The following DSCAM variants were observed in gnomAD, a reference collection of about 807,000 sequenced individuals.
DSCAM encodes cell adhesion molecule DSCAM.
Under a neutral mutation model 217.7 loss-of-function variants are expected in DSCAM, and 47 were observed. The ratio of observed to expected loss-of-function variants is 0.22; its 90% CI spans 0.17 to 0.28. The LOEUF is 0.28. Among genes scored for constraint, DSCAM ranks in the 10% least tolerant of loss-of-function variants. The pLI is 1.00. For synonymous variants in DSCAM, 1,056 were observed against 1,015.3 expected (o/e 1.04, Z -0.76); for missense variants, 2,080 against 2,618.3 (o/e 0.79, Z 4.49).
intron 3 of DSCAM, among the ~76,000 whole-genome samples, chr21:40,492,169 G>C (rs2076081269): frequency 1.3e-5 from 2 of 152,038 alleles, no homozygotes; most frequent in Non-Finnish European, 2.9e-5. Flanking sequence ...GTGCTTCAGA[G>C]CCTTTGATAA....
At chr21:40,309,885 A>G (rs936318364) in intron 9 of DSCAM, among the ~76,000 whole-genome samples, 2 of 152,208 alleles carry the variant, frequency 1.3e-5, no homozygotes, top group Admixed American at 6.5e-5. Flanking sequence ...TCAGACAGCT[A>G]CTAGTGTGAC....
intron 12 of DSCAM, 53 bp from the exon 13 acceptor site, chr21:40,188,040 G>C (rs2090914119): frequency 7.0e-7 from 1 of 1,419,550 alleles, no homozygotes; most frequent in Non-Finnish European, 9.8e-7. Flanking sequence ...AAATGACTTT[G>C]AGCCGTAAAG....
intron 3 of DSCAM, among the ~76,000 whole-genome samples, chr21:40,447,121 G>C (rs904507878): frequency 6.6e-6 from 1 of 152,158 alleles, no homozygotes; most frequent in African/African-American, 2.4e-5. Flanking sequence ...GTCACTGTAG[G>C]GAACCCACCA....
chr21:40,227,339 C>A (rs1488279405), intron 11 of DSCAM, among the ~76,000 whole-genome samples: 1 of 152,176 alleles, frequency 6.6e-6, no homozygotes, highest in East Asian at 1.9e-4. Context: ...AGCCTCCCAG[C>A]TGCCACCTTC....
chr21:40,275,525 G>A (rs1472154605), intron 11 of DSCAM, among the ~76,000 whole-genome samples: 2 of 152,198 alleles, frequency 1.3e-5, no homozygotes, highest in African/African-American at 4.8e-5. Flanking sequence ...ACCAATGTAT[G>A]AGAATAATTT....
intron 20 of DSCAM, among the ~76,000 whole-genome samples, chr21:40,113,914 G>A (rs2089933136): frequency 1.3e-5 from 2 of 151,794 alleles, no homozygotes; most frequent in Admixed American, 6.6e-5. Flanking sequence ...AATAAAAGAG[G>A]ATACAAACAA....
At chr21:40,415,620 T>G (rs558255599) in intron 3 of DSCAM, among the ~76,000 whole-genome samples, 1 of 152,196 alleles carries the variant, frequency 6.6e-6, no homozygotes, top group East Asian at 1.9e-4. Context: ...GACAGGGAAG[T>G]TGCCCTGGCC....
At chr21:40,720,013 G>A (rs1240278245) in intron 1 of DSCAM, among the ~76,000 whole-genome samples, 1 of 152,192 alleles carries the variant, frequency 6.6e-6, no homozygotes, top group Admixed American at 6.5e-5. Flanking sequence ...ACCCTAGAGA[G>A]TGATGTCTTA....
intron 3 of DSCAM, among the ~76,000 whole-genome samples, chr21:40,668,725 T>C (rs1461538152): frequency 6.6e-6 from 1 of 152,192 alleles, no homozygotes; most frequent in African/African-American, 2.4e-5. Context: ...GTTGAATTAA[T>C]AGATTGTATT....
At chr21:40,752,025 A>G (rs1188517573) in intron 1 of DSCAM, among the ~76,000 whole-genome samples, 1 of 152,142 alleles carries the variant, frequency 6.6e-6, no homozygotes, top group Non-Finnish European at 1.5e-5. Flanking sequence ...CTATAGCCCA[A>G]CTGGATGGCA....
chr21:40,500,641 A>C (rs12481828), intron 3 of DSCAM, among the ~76,000 whole-genome samples: 1 of 152,188 alleles, frequency 6.6e-6, no homozygotes, highest in Non-Finnish European at 1.5e-5. Context: ...TCATTAATAA[A>C]GGGGCAATTT....
chr21:40,040,679 G>A (rs2088730404), intron 32 of DSCAM, among the ~76,000 whole-genome samples: 1 of 152,172 alleles, frequency 6.6e-6, no homozygotes, highest in South Asian at 2.1e-4. Flanking sequence ...ATGGCTGAGT[G>A]CCTCCTCTGC....
rs748999322 is a variant in DSCAM, at chr21:40,179,134, G to A, written c.2780-40C>T. On this transcript the variant is annotated intron_variant, in intron 14 of 32. Coordinates refer to ENST00000400454, the MANE Select transcript of DSCAM (RefSeq NM_001389.5). The stretch of plus-strand genomic sequence containing the variant: ...TTTTCAAAAAAGAAGAGATAGAGAC[G>A]TGAGTTTTTTTCCTCTGCCTTTGAA... 21 of 1,369,892 alleles carry A rather than the reference G, an allele frequency of 1.5e-5. No homozygotes were observed. In the South Asian group the frequency reaches 2.1e-4, roughly 14 times the overall value. The allele number at this position is 1,369,892 out of a possible 1,614,324, so 84.9% of individuals were successfully genotyped here.
intron 3 of DSCAM, among the ~76,000 whole-genome samples, chr21:40,455,994 C>T (rs984103223): frequency 8.6e-5 from 13 of 151,998 alleles, no homozygotes; most frequent in Admixed American, 4.6e-4. Context: ...TGCTAAATGA[C>T]GAGTTAATGG....
At chr21:40,606,277 G>A (rs540229224) in intron 3 of DSCAM, among the ~76,000 whole-genome samples, 1 of 152,296 alleles carries the variant, frequency 6.6e-6, no homozygotes, top group Admixed American at 6.5e-5. Context: ...GGGGCCACGA[G>A]GGGGTGATGG....
At position 40,692,755 on chromosome 21, in the gene DSCAM, T is replaced by C. The variant is rs2090551106; in HGVS notation, c.508+55A>G. On this transcript the variant is annotated intron_variant, in intron 3 of 32. Transcript: ENST00000400454. ...CGGAGACCCGATTCCATCTCTGAAA[T>C]AACCTTTTCAGAAGGTGAGCGTGGT... is the stretch of plus-strand genomic sequence containing the variant. The C allele has an allele frequency of 3.2e-6, 5 of 1,558,822 alleles. No homozygotes were observed. The South Asian group carries it at 5.8e-5, about 18-fold the overall frequency.
rs540677195 is a variant in DSCAM, at chr21:40,229,610, T to C, written c.2357-40372A>G. 1.2e-4 allele frequency among the ~76,000 whole-genome samples: 18 copies of C among 152,326 alleles called. No homozygotes were observed. The East Asian group carries it at 3.5e-3, about 29-fold the overall frequency. On this transcript the variant is annotated intron_variant, in intron 11 of 32. Coordinates refer to ENST00000400454, the MANE Select transcript of DSCAM (RefSeq NM_001389.5). ...GTCATAAAAATGGAGTCATAGAGTA[T>C]CCAGCCTTCTTAGACTGGCTTCTTT...
chr21:40,118,193 AAG>A (rs2089994451), intron 20 of DSCAM, among the ~76,000 whole-genome samples: 1 of 152,212 alleles, frequency 6.6e-6, no homozygotes, highest in Admixed American at 6.5e-5. Flanking sequence ...GAATTGGAAA[AAG>A]GAATTGTGAC....
At chr21:40,802,652 A>T (rs1261602721) in intron 1 of DSCAM, among the ~76,000 whole-genome samples, 3 of 152,194 alleles carry the variant, frequency 2.0e-5, no homozygotes, top group Non-Finnish European at 4.4e-5. Flanking sequence ...TTATCACAGC[A>T]GTGGCATTTG....
Sources: gnomAD v4.1 joint callset for allele counts (sites outside exome capture counted in the v4.1 genomes callset) on GRCh38, gnomAD v4.1.1 for gene constraint, MANE v1.5 for transcripts, NCBI Gene and HGNC (gene_info 2026-07-23, HGNC 2026-07-21) for gene names.